Variants in NTM observed in about 807,000 individuals in gnomAD.
The protein encoded by NTM is IgLON family member 2.
NTM carries 13 observed loss-of-function variants against 42.1 expected under a neutral mutation model. The ratio of observed to expected loss-of-function variants is 0.31; its 90% confidence interval spans 0.20 to 0.49. NTM has a LOEUF of 0.49. Among genes scored for constraint, NTM ranks in the 20% least tolerant of loss-of-function variants. NTM has a pLI of 0.99. For synonymous variants in NTM, 187 were observed against 179.2 expected (o/e 1.04, Z -0.35); for missense variants, 373 against 452.8 (o/e 0.82, Z 1.60).
intron 1 of NTM, among the ~76,000 whole-genome samples, chr11:131,382,219 G>A (rs1786984862): frequency 6.6e-6 from 1 of 152,092 alleles, no homozygotes; most frequent in African/African-American, 2.4e-5. Flanking sequence ...GTGCTTTTCG[G>A]ACTTTATTAT....
chr11:131,702,433 A>G (rs937929331), intron 1 of NTM, among the ~76,000 whole-genome samples: 1 of 152,210 alleles, frequency 6.6e-6, no homozygotes, highest in African/African-American at 2.4e-5. Context: ...CTTACAGATA[A>G]CATACAGATT....
intron 1 of NTM, among the ~76,000 whole-genome samples, chr11:131,403,144 G>T (rs932732400): frequency 1.8e-4 from 28 of 152,176 alleles, no homozygotes; most frequent in African/African-American, 6.5e-4. Context: ...AGGAGACACC[G>T]TTTACTTACA....
intron 4 of NTM, among the ~76,000 whole-genome samples, chr11:132,249,128 C>T (rs989220504): frequency 3.3e-5 from 5 of 152,208 alleles, no homozygotes; most frequent in Non-Finnish European, 7.3e-5. Context: ...TCTTTTCTCT[C>T]CAAGCTCTCT....
At chr11:131,605,840 A>C in intron 1 of NTM, 1 of 984,348 alleles carries the variant, frequency 1.0e-6, no homozygotes. Flanking sequence ...ACTGCCTGGA[A>C]GCCTCTTCTT....
At chr11:131,399,655 C>T (rs978952309) in intron 1 of NTM, among the ~76,000 whole-genome samples, 1 of 152,148 alleles carries the variant, frequency 6.6e-6, no homozygotes, top group African/African-American at 2.4e-5. Flanking sequence ...TGTCCCCAGA[C>T]ATTTGAGAAG....
At chr11:131,917,593 A>G (rs1373677177) in intron 2 of NTM, among the ~76,000 whole-genome samples, 1 of 152,232 alleles carries the variant, frequency 6.6e-6, no homozygotes, top group Non-Finnish European at 1.5e-5. Flanking sequence ...AGGGACACAG[A>G]AAAGCACTCT....
At chr11:131,835,923 A>G (rs2043426499) in intron 1 of NTM, among the ~76,000 whole-genome samples, 1 of 152,172 alleles carries the variant, frequency 6.6e-6, no homozygotes. Flanking sequence ...AGTGTCACAA[A>G]TACAATGTTG....
intron 2 of NTM, among the ~76,000 whole-genome samples, chr11:131,935,704 C>T (rs2059136012): frequency 6.6e-6 from 1 of 152,166 alleles, no homozygotes; most frequent in Admixed American, 6.5e-5. Context: ...GCCTGATTTC[C>T]TCATCCATAG....
chr11:131,979,674 T>C (rs2064952102), intron 2 of NTM, among the ~76,000 whole-genome samples: 1 of 152,220 alleles, frequency 6.6e-6, no homozygotes. Context: ...TGCCTCACTA[T>C]TAACTCAAAA....
Position 132,323,875 on chromosome 11 carries a change from A to C in NTM, c.935-6278A>C, listed in dbSNP as rs1229811737. On this transcript the variant is annotated intron_variant, in intron 7 of 8. Transcript: ENST00000683400. ...GGGATGCAAGGCTGGTTCAATATAC[A>C]CAAATCAATAAATGTAATCCAGCAT... Among the ~76,000 whole-genome samples the C allele has an allele frequency of 1.2e-3, 181 of 146,808 alleles. 1 individual carries two copies. Among genetic ancestry groups the C allele is most frequent in the Admixed American group, 2.5e-3 (37 of 14,634 alleles).
chr11:132,079,348 T>C (rs1594429806), intron 2 of NTM, among the ~76,000 whole-genome samples: 1 of 152,192 alleles, frequency 6.6e-6, no homozygotes, highest in East Asian at 1.9e-4. Flanking sequence ...AAGTTTAAGA[T>C]TTAGAATCAG....
intron 1 of NTM, among the ~76,000 whole-genome samples, chr11:131,523,596 C>T (rs1026769508): frequency 6.6e-6 from 1 of 151,910 alleles, no homozygotes; most frequent in African/African-American, 2.4e-5. Flanking sequence ...CAGGGCCAGC[C>T]TGGCCAACAT....
intron 1 of NTM, among the ~76,000 whole-genome samples, chr11:131,566,714 G>A (rs1592072439): frequency 6.6e-6 from 1 of 152,168 alleles, no homozygotes; most frequent in Non-Finnish European, 1.5e-5. Context: ...GGATAATATT[G>A]TTGGGCAAAG....
intron 3 of NTM, among the ~76,000 whole-genome samples, chr11:132,161,657 G>C (rs768877589): frequency 1.3e-5 from 2 of 151,664 alleles, no homozygotes; most frequent in Non-Finnish European, 2.9e-5. Context: ...CTCTTCCCCT[G>C]GCGCCCCCTT....
chr11:131,878,824 T>C (rs2049006033), intron 1 of NTM, among the ~76,000 whole-genome samples: 1 of 151,680 alleles, frequency 6.6e-6, no homozygotes, highest in Admixed American at 6.6e-5. Flanking sequence ...GTAATATCTC[T>C]TTAACGATGA....
chr11:132,013,928 A>G (rs1347880459), intron 2 of NTM, among the ~76,000 whole-genome samples: 1 of 152,128 alleles, frequency 6.6e-6, no homozygotes, highest in Non-Finnish European at 1.5e-5. Flanking sequence ...TGTACAGTAC[A>G]TTGTTGTTAA....
intron 1 of NTM, chr11:131,795,855 G>T: frequency 1.0e-6 from 1 of 985,294 alleles, no homozygotes; most frequent in Non-Finnish European, 1.2e-6. Flanking sequence ...AATGCACAGG[G>T]TGCTCCTGAA....
rs57877862 is a variant in NTM, at chr11:132,273,309, G to GTTTTTTTTTTTT, written c.527-34365_527-34354dup. Among the ~76,000 whole-genome samples, 3 of 55,656 alleles carry GTTTTTTTTTTTT rather than the reference G, an allele frequency of 5.4e-5. 1 individual carries two copies. The highest frequency in any genetic ancestry group is 1.8e-4 in the African/African-American group (2 of 11,158). 36.5% of individuals were successfully genotyped at this position (55,656 alleles called of 152,430 possible). A position where few individuals can be genotyped will look rare whatever the true frequency, so the allele number is the denominator to read the frequency against. On this transcript the variant is annotated intron_variant, in intron 4 of 8. Coordinates refer to ENST00000683400, the MANE Select transcript of NTM (RefSeq NM_001352005.2). ...TTGTTGCCAGGTTTTGTTGACTAGT[G>GTTTTTTTTTTTT]TTTTTTTTTTTTTTTTTTTTTTTTT...
In NTM at chr11:132,003,041, A is replaced by G. The variant is rs1038993808; in HGVS notation, c.167+91393A>G. 6.6e-6 allele frequency among the ~76,000 whole-genome samples: 1 copy of G among 152,190 alleles called. No homozygotes were observed. The highest frequency in any genetic ancestry group is 1.5e-5 in the Non-Finnish European group (1 of 68,038). On this transcript the variant is annotated intron_variant, in intron 2 of 8. Coordinates refer to ENST00000683400, the MANE Select transcript of NTM (RefSeq NM_001352005.2). The surrounding 1 kb of genome is among the most constrained non-coding windows in gnomAD (Gnocchi z 6.0). Reference sequence around the variant, plus strand: ...TCTGGCTTAGAAGTTAGGGTTAGGAAAGTAACTAGTGAGCGCACTAAACAG... The same window carrying G: ...TCTGGCTTAGAAGTTAGGGTTAGGAGAGTAACTAGTGAGCGCACTAAACAG...
Sources: gnomAD v4.1 joint callset for allele counts (sites outside exome capture counted in the v4.1 genomes callset) on GRCh38, gnomAD v4.1.1 for gene constraint, Gnocchi (gnomAD v3.1) non-coding constraint, MANE v1.5 for transcripts, NCBI Gene and HGNC (gene_info 2026-07-23, HGNC 2026-07-21) for gene names.